Variants in GRID2 observed in about 807,000 individuals in gnomAD.
GRID2 encodes the protein glutamate ionotropic receptor delta type subunit 2, also known as glutamate receptor ionotropic, delta-2.
A neutral mutation model predicts 114.8 loss-of-function variants in GRID2; 33 were observed. The observed-to-expected ratio is 0.29, with a 90% CI of 0.22 to 0.38. GRID2 has a LOEUF of 0.38. Among genes scored for constraint, GRID2 ranks in the 10% least tolerant of loss-of-function variants. GRID2 has a pLI of 1.00. For missense variants in GRID2, 1,184 were observed against 1,257.7 expected, an observed-to-expected ratio of 0.94 and a Z score of 0.89; for synonymous variants, 505 against 449.9, an observed-to-expected ratio of 1.12 and a Z score of -1.55.
intron 2 of GRID2, among the ~76,000 whole-genome samples, chr4:92,696,811 T>C (rs1734444219): frequency 1.3e-5 from 2 of 152,154 alleles, no homozygotes; most frequent in Admixed American, 1.3e-4. Flanking sequence ...TAATAGATGA[T>C]AGGATATTCT....
At chr4:92,672,952 C>T (rs983760076) in intron 2 of GRID2, among the ~76,000 whole-genome samples, 1 of 152,088 alleles carries the variant, frequency 6.6e-6, no homozygotes, top group East Asian at 1.9e-4. Flanking sequence ...AGCCCATTAA[C>T]CACACTTTAT....
At chr4:92,838,551 T>C (rs1742639653) in intron 2 of GRID2, among the ~76,000 whole-genome samples, 1 of 152,120 alleles carries the variant, frequency 6.6e-6, no homozygotes. Context: ...GAATATTAAA[T>C]TGAAATGTTT....
chr4:93,785,433 C>A (rs1479222766), intron 1 of GRID2, among the ~76,000 whole-genome samples: 1 of 151,922 alleles, frequency 6.6e-6, no homozygotes, highest in African/African-American at 2.4e-5. Context: ...TGACCAATAG[C>A]CAGGCAAAGG....
At chr4:93,018,772 C>G (rs2149242897) in intron 2 of GRID2, among the ~76,000 whole-genome samples, 1 of 152,192 alleles carries the variant, frequency 6.6e-6, no homozygotes, top group Non-Finnish European at 1.5e-5. Context: ...TTATTCTTTG[C>G]TTTCATCTAT....
intron 14 of GRID2, among the ~76,000 whole-genome samples, chr4:93,667,715 A>C (rs1374498637): frequency 6.6e-6 from 1 of 152,060 alleles, no homozygotes; most frequent in African/African-American, 2.4e-5. Context: ...TTTTAGCCAT[A>C]AGATTTATAA....
In GRID2 at chr4:93,656,829, C is replaced by CAA. The variant is rs61508444; in HGVS notation, c.2360+30421_2360+30422dup. On this transcript the variant is annotated intron_variant, in intron 14 of 15. Transcript: ENST00000282020. ...TGGGTGACAGAGCGAGACTCTGCCT[C>CAA]AAAAAAAAAAAAAAAAAAAAAAAAA... Among the ~76,000 whole-genome samples, 146 of 31,892 alleles carry CAA rather than the reference C, an allele frequency of 4.6e-3. 2 individuals carry two copies. Among genetic ancestry groups the CAA allele is most frequent in the African/African-American group, 6.6e-3 (61 of 9,204 alleles). The allele number at this position is 31,892 out of a possible 152,430, so 20.9% of individuals were successfully genotyped here.
At position 93,413,167 on chromosome 4, in the gene GRID2, G is replaced by A. The variant is rs954781412; in HGVS notation, c.1348-9604G>A. ...TCTGGTTCTAGATCCTTGAGGAATC[G>A]CCACACTGCCTTCCACAATGGTTGA... On this transcript the variant is annotated intron_variant, in intron 9 of 15. Coordinates refer to ENST00000282020, the MANE Select transcript of GRID2 (RefSeq NM_001510.4). 2.6e-5 allele frequency among the ~76,000 whole-genome samples: 4 copies of A among 152,034 alleles called. No homozygotes were observed. In the South Asian group the frequency reaches 8.3e-4, roughly 32 times the overall value.
intron 2 of GRID2, among the ~76,000 whole-genome samples, chr4:92,887,143 G>A (rs933178908): frequency 3.3e-5 from 5 of 151,966 alleles, no homozygotes; most frequent in African/African-American, 7.3e-5. Context: ...ATTATTGCTG[G>A]TTCCTTGTGC....
At chr4:92,622,433 G>T (rs1730318701) in intron 2 of GRID2, among the ~76,000 whole-genome samples, 1 of 151,626 alleles carries the variant, frequency 6.6e-6, no homozygotes, top group Non-Finnish European at 1.5e-5. Context: ...ATATGTTAAG[G>T]AGATTTTAGG....
intron 8 of GRID2, among the ~76,000 whole-genome samples, chr4:93,347,415 G>T (rs887650196): frequency 1.6e-4 from 25 of 151,706 alleles, no homozygotes; most frequent in African/African-American, 6.1e-4. Flanking sequence ...GTCTTTATTA[G>T]TAAGTATAAA....
At chr4:92,529,049 G>C (rs1388199303) in intron 1 of GRID2, among the ~76,000 whole-genome samples, 1 of 152,018 alleles carries the variant, frequency 6.6e-6, no homozygotes, top group Non-Finnish European at 1.5e-5. Flanking sequence ...AATTCTCTTG[G>C]GACGTGAGTC....
chr4:92,396,173 T>C (rs1250944166), intron 1 of GRID2, among the ~76,000 whole-genome samples: 1 of 151,938 alleles, frequency 6.6e-6, no homozygotes, highest in Non-Finnish European at 1.5e-5. Context: ...AAATTTGCAC[T>C]GTAAATTAAA....
intron 2 of GRID2, among the ~76,000 whole-genome samples, chr4:93,053,663 G>A (rs1051342289): frequency 6.6e-6 from 1 of 151,932 alleles, no homozygotes; most frequent in Non-Finnish European, 1.5e-5. Context: ...ACCTCAAGGT[G>A]ACTTAACCAA....
At chr4:92,752,211 G>A (rs992925480) in intron 2 of GRID2, among the ~76,000 whole-genome samples, 5 of 152,152 alleles carry the variant, frequency 3.3e-5, no homozygotes, top group African/African-American at 1.2e-4. Context: ...CAATTCAGTA[G>A]TGAGAAAGTC....
Position 93,608,053 on chromosome 4 carries a change from T to A in GRID2, c.2194-18216T>A, listed in dbSNP as rs1393738633. On this transcript the variant is annotated intron_variant, in intron 13 of 15. Coordinates refer to ENST00000282020, the MANE Select transcript of GRID2 (RefSeq NM_001510.4). ...AAATGTCTAACTTTACATATATATA[T>A]ATATACGTATATAAGTATATATATG... Among the ~76,000 whole-genome samples the A allele has an allele frequency of 4.7e-5, 7 of 148,996 alleles. No individual in the cohort carries two copies. The South Asian group carries it at 1.3e-3, about 27-fold the overall frequency.
At chr4:93,238,699 T>C (rs140489296) in intron 8 of GRID2, among the ~76,000 whole-genome samples, 11 of 151,820 alleles carry the variant, frequency 7.2e-5, no homozygotes, top group African/African-American at 2.7e-4. Flanking sequence ...CTTAGAATAA[T>C]GTAAAGGAAA....
chr4:93,661,981 T>G (rs555372574), intron 14 of GRID2, among the ~76,000 whole-genome samples: 4 of 152,276 alleles, frequency 2.6e-5, no homozygotes, highest in South Asian at 4.1e-4. Context: ...TTGCCAGCTC[T>G]TTCCCTGTGG....
chr4:93,754,157 G>C (rs979374866), intron 14 of GRID2, among the ~76,000 whole-genome samples: 4 of 152,102 alleles, frequency 2.6e-5, no homozygotes, highest in African/African-American at 9.7e-5. Context: ...TAAAAAGATG[G>C]TGTTATAATC....
At chr4:93,015,108 C>T (rs17020089) in intron 2 of GRID2, among the ~76,000 whole-genome samples, 2,379 of 152,176 alleles carry the variant, frequency 0.016, 24 homozygotes, top group East Asian at 0.053. Context: ...ACGAATCTCC[C>T]TATGTTGGGT....
Sources: gnomAD v4.1 joint callset for allele counts (sites outside exome capture counted in the v4.1 genomes callset) on GRCh38, gnomAD v4.1.1 for gene constraint, MANE v1.5 for transcripts, NCBI Gene and HGNC (gene_info 2026-07-23, HGNC 2026-07-21) for gene names.